CDK13: variants seen among roughly 807,000 people sequenced by gnomAD.
The protein encoded by CDK13 is cyclin dependent kinase 13, also known as cyclin-dependent kinase 13.
CDK13 carries 40 observed loss-of-function variants against 137.6 expected under a neutral mutation model. That is an observed-to-expected ratio of 0.29 (90% CI 0.23 to 0.38). The LOEUF (loss-of-function observed/expected upper bound fraction) is 0.38, where lower values mean the gene tolerates loss of function less well. CDK13 is among the 10% of genes least tolerant of loss of function. The pLI is 1.00. For missense variants in CDK13, 1,704 were observed against 1,951.8 expected (o/e 0.87, Z 2.39); for synonymous variants, 869 against 760.1 (o/e 1.14, Z -2.36).
At chr7:40,016,154 T>A (rs956789505) in intron 5 of CDK13, among the ~76,000 whole-genome samples, 6 of 152,198 alleles carry the variant, frequency 3.9e-5, no homozygotes, top group African/African-American at 1.4e-4. Flanking sequence ...CTTGTTACGT[T>A]GCTGTGCAGT....
intron 9 of CDK13, among the ~76,000 whole-genome samples, chr7:40,064,206 C>G (rs1200888689): frequency 6.6e-6 from 1 of 150,908 alleles, no homozygotes; most frequent in African/African-American, 2.4e-5. Context: ...ATCATTTGAA[C>G]CCAGGAGGCG....
In CDK13 at chr7:39,987,666, A is replaced by C; in HGVS notation, c.1279A>C (p.Arg427=). The part of the protein sequence containing the change: ...SRHSRSRSRH[R]LSRSRSRHSS... Reference sequence around the variant, plus strand: ...GCATTCAAGATCTCGTAGCAGGCACAGATTGTCTAGATCCAGAAGTCGTCA... The same window carrying C: ...GCATTCAAGATCTCGTAGCAGGCACCGATTGTCTAGATCCAGAAGTCGTCA... The change falls in exon 2 of 14, where the codon AGA becomes CGA. Residue 427 remains arginine (R), a synonymous_variant. Transcript: ENST00000181839. 6.2e-7 allele frequency: 1 copy of C among 1,613,654 alleles called. No individual in the cohort carries two copies. The highest frequency in any genetic ancestry group is 8.5e-7 in the Non-Finnish European group (1 of 1,179,818).
intron 5 of CDK13, among the ~76,000 whole-genome samples, chr7:40,004,644 C>T (rs900074613): frequency 6.6e-6 from 1 of 152,148 alleles, no homozygotes; most frequent in African/African-American, 2.4e-5. Context: ...TGGTATTAAA[C>T]TAAATTTGAT....
At chr7:39,997,422 T>C (rs781327349) in intron 2 of CDK13, 72 bp from the exon 3 acceptor site, 2 of 1,117,718 alleles carry the variant, frequency 1.8e-6, no homozygotes, top group Non-Finnish European at 2.7e-6. Flanking sequence ...GCTACTTAAA[T>C]GTAAGTCATA....
chr7:39,951,162 C>G lies in CDK13; in HGVS notation c.521C>G (p.Thr174Arg), dbSNP rs995209864. The G allele has an allele frequency of 8.1e-7, 1 of 1,242,066 alleles. No homozygotes were observed. 76.9% of individuals were successfully genotyped at this position (1,242,066 alleles called of 1,614,324 possible). The part of the protein sequence containing the change: ...AATAATAAGG[T>R]GGSGGSPASS... ...ACGGCGGCGACGGCTGCCGGGGGAA[C>G]GGGGGGCAGCGGCGGGAGTCCGGCC... Residue 174 changes from threonine to arginine, a missense_variant, in exon 1 of 14, where the codon ACG (threonine) becomes AGG (arginine). Coordinates refer to ENST00000181839, the MANE Select transcript of CDK13 (RefSeq NM_003718.5).
intron 5 of CDK13, among the ~76,000 whole-genome samples, chr7:40,021,103 GTATATATA>G (rs146480658): frequency 0.052 from 2,215 of 42,556 alleles, 50 homozygotes; most frequent in African/African-American, 0.063. Context: ...GCAAACAAAC[GTATATATA>G]TATATATATA....
chr7:39,967,237 T>G (rs1302871996), intron 1 of CDK13, among the ~76,000 whole-genome samples: 5 of 152,108 alleles, frequency 3.3e-5, no homozygotes, highest in Non-Finnish European at 7.4e-5. Context: ...AGACTAGCCC[T>G]GGCAACGTGG....
chr7:40,024,812 C>T (rs1206488793), intron 5 of CDK13, among the ~76,000 whole-genome samples: 5 of 151,962 alleles, frequency 3.3e-5, no homozygotes, highest in Non-Finnish European at 7.4e-5. Context: ...TACACGTGTG[C>T]GCCAGCACGC....
rs920153805 is a variant in CDK13, at chr7:39,951,872, C to A, written c.1211+20C>A. On this transcript the variant is annotated intron_variant, in intron 1 of 13. Coordinates refer to ENST00000181839, the MANE Select transcript of CDK13 (RefSeq NM_003718.5). ...GCTCAGGTGAGTTCTGCCGTTCTGC[C>A]TGTGTGTGCCTTGGCTGCGCTGGCC... is the stretch of plus-strand genomic sequence containing the variant. 8 of 1,341,872 alleles carry A rather than the reference C, an allele frequency of 6.0e-6. No individual in the cohort carries two copies. Among genetic ancestry groups the A allele is most frequent in the Non-Finnish European group, 7.7e-6 (8 of 1,045,034 alleles). 83.1% of individuals were successfully genotyped at this position (1,341,872 alleles called of 1,614,324 possible). A position where few individuals can be genotyped will look rare whatever the true frequency, so the allele number is the denominator to read the frequency against.
At chr7:39,961,338 C>T (rs1374897042) in intron 1 of CDK13, among the ~76,000 whole-genome samples, 1 of 152,152 alleles carries the variant, frequency 6.6e-6, no homozygotes, top group Non-Finnish European at 1.5e-5. Flanking sequence ...CCAGCCTGGG[C>T]ACAAAGCAAG....
Position 40,043,843 on chromosome 7 carries a change from AG to A in CDK13, c.2354-1992del, listed in dbSNP as rs1457416051. ...TGAGACCCTGTCTCAAAAAAAAAAA[AG>A]AAAAGAAAAATACAGAGTTTTACAA... On this transcript the variant is annotated intron_variant, in intron 5 of 13. Transcript: ENST00000181839. Among the ~76,000 whole-genome samples, 36 of 126,534 alleles carry A rather than the reference AG, an allele frequency of 2.8e-4. No homozygotes were observed. The East Asian group carries it at 0.014, about 50-fold the overall frequency. 83.0% of individuals were successfully genotyped at this position (126,534 alleles called of 152,430 possible).
rs142023627 is a variant in CDK13 at position 40,089,723 on chromosome 7, AGTGTGTGTGTGTGTGT to A, written c.3235+1409_3235+1424del. On this transcript the variant is annotated intron_variant, in intron 12 of 13. Transcript: ENST00000181839. ...TAGAGAGAGAGAGAGAGAGAGAGAG[AGTGTGTGTGTGTGTGT>A]GTGTGTGTGTGTGTGTAGGTGGTGG... Among the ~76,000 whole-genome samples, 166 of 125,224 alleles carry A rather than the reference AGTGTGTGTGTGTGTGT, an allele frequency of 1.3e-3. 1 individual carries two copies. In the East Asian group the frequency reaches 0.015, roughly 11 times the overall value. The allele number at this position is 125,224 out of a possible 152,430, so 82.2% of individuals were successfully genotyped here. A position where few individuals can be genotyped will look rare whatever the true frequency, so the allele number is the denominator to read the frequency against.
intron 2 of CDK13, among the ~76,000 whole-genome samples, chr7:39,991,338 A>G (rs770771489): frequency 6.6e-6 from 1 of 152,248 alleles, no homozygotes; most frequent in Non-Finnish European, 1.5e-5. Flanking sequence ...AAATGTAAAG[A>G]TCACTTTAAA....
chr7:39,987,716 A>T lies in CDK13; in HGVS notation c.1329A>T (p.Leu443=), dbSNP rs1293921359. ...SRHSSISPST[L]TLKSSLAAEL... is the part of the protein sequence containing the mutation. Reference sequence around the variant, plus strand: ...ATTCTAGTATTTCTCCTAGCACACTAACTCTGAAGAGTAGCCTGGCAGCTG... The same window carrying T: ...ATTCTAGTATTTCTCCTAGCACACTTACTCTGAAGAGTAGCCTGGCAGCTG... Residue 443 remains leucine, a synonymous_variant, in exon 2 of 14, where the codon CTA becomes CTT. Transcript: ENST00000181839. The T allele has an allele frequency of 6.2e-7, 1 of 1,614,160 alleles. No homozygotes were observed. The highest frequency in any genetic ancestry group is 8.5e-7 in the Non-Finnish European group (1 of 1,180,034).
intron 5 of CDK13, among the ~76,000 whole-genome samples, chr7:40,038,022 T>C (rs1381152036): frequency 3.3e-5 from 5 of 152,314 alleles, no homozygotes; most frequent in Non-Finnish European, 2.9e-5. Context: ...TTTAATAATG[T>C]ATTTTAATTA....
chr7:39,993,149 G>A (rs1215332416), intron 2 of CDK13, among the ~76,000 whole-genome samples: 1 of 152,130 alleles, frequency 6.6e-6, no homozygotes, highest in Non-Finnish European at 1.5e-5. Flanking sequence ...CTGTAGTAGG[G>A]ACTGCACATG....
chr7:40,053,236 T>G lies in CDK13; in HGVS notation c.2600+5359T>G, dbSNP rs538381753. Among the ~76,000 whole-genome samples, 107 of 152,312 alleles carry G rather than the reference T, an allele frequency of 7.0e-4. 2 individuals are homozygous for G. Among genetic ancestry groups the G allele is most frequent in the South Asian group, 5.4e-3 (26 of 4,818 alleles). On this transcript the variant is annotated intron_variant, in intron 7 of 13. Transcript: ENST00000181839. ...GATCTTTCTTCTGGTCTCCAGACCT[T>G]TTGTTTATTGGAAATCTCTACCCAG...
chr7:40,069,278 A>G (rs1265074299), intron 9 of CDK13: 1 of 447,250 alleles, frequency 2.2e-6, no homozygotes, highest in Admixed American at 2.6e-5. Flanking sequence ...AGATGCTTCA[A>G]TTTTGATTTC....
chr7:40,089,066 C>T (rs1258024680), intron 12 of CDK13, among the ~76,000 whole-genome samples: 1 of 149,328 alleles, frequency 6.7e-6, no homozygotes, highest in Non-Finnish European at 1.5e-5. Flanking sequence ...GCGACAGGAG[C>T]GAGACTCCAT....
Sources: gnomAD v4.1 joint callset for allele counts (sites outside exome capture counted in the v4.1 genomes callset) on GRCh38, gnomAD v4.1.1 for gene constraint, MANE v1.5 for transcripts, NCBI Gene and HGNC (gene_info 2026-07-23, HGNC 2026-07-21) for gene names.